Variants in GDPD5 observed in about 807,000 individuals in gnomAD.
GDPD5 encodes the protein glycerophosphodiester phosphodiesterase 2.
In GDPD5, 48 loss-of-function variants were observed where a neutral mutation model predicts 75.1. That is an observed-to-expected ratio of 0.64 (90% CI 0.51 to 0.81). The LOEUF (loss-of-function observed/expected upper bound fraction) is 0.81, where lower values mean the gene tolerates loss of function less well. Among genes scored for constraint, GDPD5 ranks in the 40% least tolerant of loss-of-function variants. The pLI is 0.00. For synonymous variants in GDPD5, 336 were observed against 339.0 expected (o/e 0.99, Z 0.10); for missense variants, 706 against 822.6 (o/e 0.86, Z 1.73).
chr11:75,470,449 A>G (rs1396001631), intron 3 of GDPD5, among the ~76,000 whole-genome samples: 1 of 152,166 alleles, frequency 6.6e-6, no homozygotes, highest in Non-Finnish European at 1.5e-5. Context: ...AGGGTGGCCC[A>G]ATATCATATA....
intron 1 of GDPD5, among the ~76,000 whole-genome samples, chr11:75,503,619 T>C (rs1225880390): frequency 6.6e-6 from 1 of 152,086 alleles, no homozygotes; most frequent in Non-Finnish European, 1.5e-5. Flanking sequence ...GCTGAATAAA[T>C]GAGCGAAGGA....
At chr11:75,494,594 CTT>C (rs1345825295) in intron 1 of GDPD5, among the ~76,000 whole-genome samples, 1 of 152,292 alleles carries the variant, frequency 6.6e-6, no homozygotes, top group East Asian at 1.9e-4. Context: ...ATTTTCATCA[CTT>C]GTGTTCTGTT....
chr11:75,518,751 C>T (rs1950696270), intron 1 of GDPD5, among the ~76,000 whole-genome samples: 1 of 152,150 alleles, frequency 6.6e-6, no homozygotes, highest in Admixed American at 6.5e-5. Flanking sequence ...TGAGGGGTCC[C>T]CTGATTTCAG....
intron 3 of GDPD5, among the ~76,000 whole-genome samples, chr11:75,475,754 T>C (rs949578136): frequency 1.3e-5 from 2 of 152,112 alleles, no homozygotes; most frequent in African/African-American, 4.8e-5. Flanking sequence ...CACCCAGAGC[T>C]GCTGTAAAGC....
intron 3 of GDPD5, among the ~76,000 whole-genome samples, chr11:75,467,522 G>T (rs1163690507): frequency 1.3e-5 from 2 of 152,160 alleles, no homozygotes; most frequent in African/African-American, 4.8e-5. Flanking sequence ...CATCGTGCAA[G>T]CCCCAGACTT....
intron 1 of GDPD5, among the ~76,000 whole-genome samples, chr11:75,512,490 G>C (rs534172016): frequency 6.6e-6 from 1 of 152,280 alleles, no homozygotes; most frequent in East Asian, 1.9e-4. Context: ...AGCAAGGCAG[G>C]CGGGGTTCCT....
chr11:75,466,938 C>T (rs1255677180), intron 3 of GDPD5, among the ~76,000 whole-genome samples: 1 of 152,104 alleles, frequency 6.6e-6, no homozygotes, highest in Non-Finnish European at 1.5e-5. Flanking sequence ...AACAGCTCCC[C>T]TCAAAACCCA....
chr11:75,455,004 C>T (rs1049205745), intron 6 of GDPD5, among the ~76,000 whole-genome samples: 4 of 152,174 alleles, frequency 2.6e-5, no homozygotes, highest in African/African-American at 4.8e-5. Context: ...TGGGGCGGGT[C>T]GAGCTCTGGG....
At chr11:75,513,773 AC>A (rs1267216313) in intron 1 of GDPD5, among the ~76,000 whole-genome samples, 1 of 152,166 alleles carries the variant, frequency 6.6e-6, no homozygotes, top group Non-Finnish European at 1.5e-5. Flanking sequence ...CTCAAGGCCC[AC>A]AGAGCAGGGT....
Position 75,525,774 on chromosome 11 carries a change from C to T in GDPD5, c.-709G>A, listed in dbSNP as rs946222668. The T allele has an allele frequency of 4.0e-5, 6 of 151,132 alleles. No individual in the cohort carries two copies. Among genetic ancestry groups the T allele is most frequent in the African/African-American group, 1.5e-4 (6 of 41,260 alleles). 9.4% of individuals were successfully genotyped at this position (151,132 alleles called of 1,614,324 possible). On this transcript the variant is annotated 5_prime_UTR_variant, in exon 1 of 17. Coordinates refer to ENST00000336898, the MANE Select transcript of GDPD5 (RefSeq NM_030792.8). ...CCAGGTCCCGACTCGGCTCTCTCTG[C>T]AAAACGGGGCGAACCTCGGCGCGGC...
intron 15 of GDPD5, 48 bp downstream of exon 15, chr11:75,439,831 C>T (rs765907409): frequency 1.4e-6 from 2 of 1,477,294 alleles, no homozygotes; most frequent in South Asian, 1.1e-5. Flanking sequence ...GGGGGCTGGG[C>T]CTGCTGCAGG....
intron 2 of GDPD5, among the ~76,000 whole-genome samples, chr11:75,484,839 G>C (rs897592841): frequency 6.6e-6 from 1 of 152,166 alleles, no homozygotes; most frequent in Non-Finnish European, 1.5e-5. Context: ...GGTGGTGTGG[G>C]CACTCCAGGT....
chr11:75,464,527 C>T lies in GDPD5; in HGVS notation c.118-1638G>A, dbSNP rs183661801. On this transcript the variant is annotated intron_variant, in intron 3 of 16. Transcript: ENST00000336898. ...CTGGTGCCTGGGTGACCCTCCTGTCCCAGGTGGGTCACTTCAGTTGGGCGA... is the reference window on the plus strand; with the variant it reads ...CTGGTGCCTGGGTGACCCTCCTGTCTCAGGTGGGTCACTTCAGTTGGGCGA... Among the ~76,000 whole-genome samples, 4 of 152,290 alleles carry T rather than the reference C, an allele frequency of 2.6e-5. No homozygotes were observed. In the East Asian group the frequency reaches 7.7e-4, roughly 29 times the overall value.
chr11:75,460,347 G>A (rs1222891687), intron 4 of GDPD5, among the ~76,000 whole-genome samples: 1 of 152,028 alleles, frequency 6.6e-6, no homozygotes, highest in East Asian at 1.9e-4. Context: ...CCAGCCTGGA[G>A]TGCAGTGGTC....
Position 75,449,903 on chromosome 11 carries a change from C to T in GDPD5, c.456G>A (p.Val152=), listed in dbSNP as rs1427261688. The T allele has an allele frequency of 6.2e-7, 1 of 1,613,604 alleles. No homozygotes were observed. The highest frequency in any genetic ancestry group is 8.5e-7 in the Non-Finnish European group (1 of 1,179,840). The part of the protein sequence containing the change: ...VAQLWEDEWE[V]LLISLQGTAP... Reference sequence around the variant, plus strand: ...CACTCACCTGCAGGGAGATCAGCAGCACCTCCCACTCGTCCTCCCACAGCT... The same window carrying T: ...CACTCACCTGCAGGGAGATCAGCAGTACCTCCCACTCGTCCTCCCACAGCT... Residue 152 remains valine, a synonymous_variant, in exon 7 of 17, where the codon GTG becomes GTA. Transcript: ENST00000336898.
intron 1 of GDPD5, among the ~76,000 whole-genome samples, chr11:75,523,581 C>T (rs1425349857): frequency 6.6e-6 from 1 of 152,212 alleles, no homozygotes; most frequent in Non-Finnish European, 1.5e-5. Flanking sequence ...TTTAAAGTGG[C>T]ACTTGGAACC....
intron 11 of GDPD5, chr11:75,442,861 C>G (rs1440330795): frequency 1.7e-6 from 1 of 602,002 alleles, no homozygotes; most frequent in East Asian, 2.8e-5. Context: ...AGAGCCAACC[C>G]CTCTCTAGAG....
At chr11:75,471,220 G>A (rs1949656523) in intron 3 of GDPD5, among the ~76,000 whole-genome samples, 1 of 152,234 alleles carries the variant, frequency 6.6e-6, no homozygotes, top group Non-Finnish European at 1.5e-5. Context: ...GCTCCCAAAA[G>A]GGAGAGATGG....
chr11:75,443,079 C>T (rs1338274696), intron 11 of GDPD5, 57 bp downstream of exon 11: 1 of 1,555,856 alleles, frequency 6.4e-7, no homozygotes, highest in Non-Finnish European at 8.7e-7. Flanking sequence ...CCTCTCACTC[C>T]TTGCAGTCCC....
Sources: gnomAD v4.1 joint callset for allele counts (sites outside exome capture counted in the v4.1 genomes callset) on GRCh38, gnomAD v4.1.1 for gene constraint, MANE v1.5 for transcripts, NCBI Gene and HGNC (gene_info 2026-07-23, HGNC 2026-07-21) for gene names.